Variants in ISL1 observed in about 807,000 individuals in gnomAD.
The protein encoded by ISL1 is ISL LIM homeobox 1.
Under a neutral mutation model 35.3 loss-of-function variants are expected in ISL1, and 4 were observed. That is an observed-to-expected ratio of 0.11 (90% CI 0.06 to 0.26). The LOEUF (loss-of-function observed/expected upper bound fraction) is 0.26. Among genes scored for constraint, ISL1 ranks in the 10% least tolerant of loss-of-function variants. ISL1 has a pLI of 1.00. For synonymous variants in ISL1, 186 were observed against 172.3 expected, an observed-to-expected ratio of 1.08 and a Z score of -0.62; for missense variants, 340 against 472.8, an observed-to-expected ratio of 0.72 and a Z score of 2.60.
intron 1 of ISL1, among the ~76,000 whole-genome samples, chr5:51,384,305 C>T: frequency 6.7e-6 from 1 of 149,316 alleles, no homozygotes. Flanking sequence ...CAAATGTAGA[C>T]TATTCCAATC....
At chr5:51,385,317 C>A (rs1261925364) in intron 2 of ISL1, among the ~76,000 whole-genome samples, 1 of 152,182 alleles carries the variant, frequency 6.6e-6, no homozygotes, top group Non-Finnish European at 1.5e-5. Context: ...GGAAAAAACA[C>A]CGGAAACTTA....
At chr5:51,383,951 G>T (rs1313098780) in intron 1 of ISL1, among the ~76,000 whole-genome samples, 1 of 152,122 alleles carries the variant, frequency 6.6e-6, no homozygotes, top group Non-Finnish European at 1.5e-5. Flanking sequence ...GGTGCTAAGC[G>T]GTGATTTCCT....
Position 51,391,139 on chromosome 5 carries a change from CG to C in ISL1, c.766-133del, listed in dbSNP as rs1220898316. 6 of 787,412 alleles carry C rather than the reference CG, an allele frequency of 7.6e-6. No homozygotes were observed. The South Asian group carries it at 1.1e-4, about 14-fold the overall frequency. The allele number at this position is 787,412 out of a possible 1,614,324, so 48.8% of individuals were successfully genotyped here. A position where few individuals can be genotyped will look rare whatever the true frequency, so the allele number is the denominator to read the frequency against. On this transcript the variant is annotated intron_variant, in intron 4 of 5. Transcript: ENST00000230658. Reference sequence around the variant, plus strand: ...TTCTAACTAATATCCGTAGGTACGGCGGATTAACTGAGTCAATAAAGACCAC... The same window carrying C: ...TTCTAACTAATATCCGTAGGTACGGCGATTAACTGAGTCAATAAAGACCAC...
rs1270493587 is a variant in ISL1 at position 51,387,439 on chromosome 5, G to A, written c.219-51G>A. 2 of 1,604,542 alleles carry A rather than the reference G, an allele frequency of 1.2e-6. No homozygotes were observed. Among genetic ancestry groups the A allele is most frequent in the South Asian group, 1.1e-5 (1 of 89,600 alleles). ...CGGCCTGAAGTGACCCCCTCTTCCT[G>A]TACTTCTCTCCCCGCTCTGGGCCGC... On this transcript the variant is annotated intron_variant, in intron 2 of 5. Coordinates refer to ENST00000230658, the MANE Select transcript of ISL1 (RefSeq NM_002202.3). This position sits in a 1 kb window ranked among gnomAD's most constrained non-coding sequence, Gnocchi z 4.3.
intron 2 of ISL1, chr5:51,386,731 C>A: frequency 2.4e-6 from 1 of 414,536 alleles, no homozygotes; most frequent in Non-Finnish European, 4.7e-6. Flanking sequence ...GATGATTCAG[C>A]AACTTGAAAA....
Position 51,393,818 on chromosome 5 carries a change from CA to C in ISL1, c.*210del, listed in dbSNP as rs1747573055. On this transcript the variant is annotated 3_prime_UTR_variant, in exon 6 of 6. Transcript: ENST00000230658. ...ATCATGGGATTTTACTAGAATTAAA[CA>C]ACAAACAAAACGCAAAACCCAGTAT... is the stretch of plus-strand genomic sequence containing the variant. The C allele has an allele frequency of 5.0e-6, 3 of 604,842 alleles. No homozygotes were observed. The highest frequency in any genetic ancestry group is 8.8e-6 in the Non-Finnish European group (3 of 339,196). 37.5% of individuals were successfully genotyped at this position (604,842 alleles called of 1,614,324 possible). A position where few individuals can be genotyped will look rare whatever the true frequency, so the allele number is the denominator to read the frequency against.
At chr5:51,385,476 C>T (rs530450543) in intron 2 of ISL1, among the ~76,000 whole-genome samples, 1 of 152,264 alleles carries the variant, frequency 6.6e-6, no homozygotes, top group African/African-American at 2.4e-5. Flanking sequence ...TCCTTTCTCA[C>T]ATTAAAATCT....
At chr5:51,391,217 G>T (rs1248131943) in intron 4 of ISL1, 57 bp from the exon 5 acceptor site, 16 of 1,580,456 alleles carry the variant, frequency 1.0e-5, no homozygotes, top group Non-Finnish European at 1.4e-5. Flanking sequence ...TGCAGACAAC[G>T]GAGGGAGGGA....
Position 51,394,700 on chromosome 5 carries a change from A to G in ISL1, c.*1090A>G, listed in dbSNP as rs1351469939. 2.0e-5 allele frequency: 3 copies of G among 152,662 alleles called. No homozygotes were observed. The highest frequency in any genetic ancestry group is 4.4e-5 in the Non-Finnish European group (3 of 68,040). The allele number at this position is 152,662 out of a possible 1,614,324, so 9.5% of individuals were successfully genotyped here. A position where few individuals can be genotyped will look rare whatever the true frequency, so the allele number is the denominator to read the frequency against. Reference sequence around the variant, plus strand: ...ATTATATCTTCAGGACTATTTCACTAATAAACATTTGGCATAGATAAATAA... The same window carrying G: ...ATTATATCTTCAGGACTATTTCACTGATAAACATTTGGCATAGATAAATAA... On this transcript the variant is annotated 3_prime_UTR_variant, in exon 6 of 6. Transcript: ENST00000230658.
chr5:51,392,498 T>A (rs1480989838), intron 5 of ISL1, among the ~76,000 whole-genome samples: 2 of 152,168 alleles, frequency 1.3e-5, no homozygotes, highest in Non-Finnish European at 2.9e-5. Context: ...AGGCAAGTGG[T>A]TAAAAGGGCT....
At chr5:51,385,304 C>T (rs1747317395) in intron 2 of ISL1, among the ~76,000 whole-genome samples, 1 of 152,114 alleles carries the variant, frequency 6.6e-6, no homozygotes, top group Non-Finnish European at 1.5e-5. Flanking sequence ...CTAAATATTC[C>T]TTGGAAAAAA....
intron 1 of ISL1, 40 bp from the exon 2 acceptor site, chr5:51,384,501 A>C (rs755684496): frequency 6.4e-7 from 1 of 1,569,972 alleles, no homozygotes; most frequent in East Asian, 2.2e-5. Context: ...CTCTGTAGGA[A>C]GTAAACGGTT....
At position 51,391,288 on chromosome 5, in the gene ISL1, G is replaced by T; in HGVS notation, c.780G>T (p.Met260Ile). 1 of 1,612,670 alleles carries T rather than the reference G, an allele frequency of 6.2e-7. No homozygotes were observed. Among genetic ancestry groups the T allele is most frequent in the South Asian group, 1.1e-5 (1 of 90,990 alleles). ...CCTATTCACAGAATATCCAGGGGAT[G>T]ACAGGAACTCCCATGGTGGCTGCCA... Reference protein sequence around the residue: ...QPNDKTNIQGMTGTPMVAASP... With the variant: ...QPNDKTNIQGITGTPMVAASP... Residue 260 changes from methionine to isoleucine, a missense_variant, in exon 5 of 6, where the codon ATG becomes ATT. Around this residue, in one of 7 missense-constraint regions of ISL1, gnomAD observed 25 missense variants for 43.2 expected, o/e 0.58. Transcript: ENST00000230658.
At chr5:51,386,645 T>C in intron 2 of ISL1, 1 of 455,874 alleles carries the variant, frequency 2.2e-6, no homozygotes, top group South Asian at 1.6e-5. Flanking sequence ...AGGCCAGGAG[T>C]GAGAAAGACC....
At chr5:51,383,726 C>T (rs760093448) in intron 1 of ISL1, 27 bp downstream of exon 1, 3 of 1,597,994 alleles carry the variant, frequency 1.9e-6, no homozygotes, top group South Asian at 2.2e-5. Flanking sequence ...CCTTGTGGGG[C>T]TCGGTGTGCT....
rs1747579572 is a variant in ISL1, at chr5:51,394,105, G to T, written c.*495G>T. ...CTGAAAGAGTCCTTTCAGGAAGGTG[G>T]AGCTGCATTGGTTTGATATGTTTAA... On this transcript the variant is annotated 3_prime_UTR_variant, in exon 6 of 6. Transcript: ENST00000230658. The T allele has an allele frequency of 5.4e-6, 1 of 183,490 alleles. No individual in the cohort carries two copies. Among genetic ancestry groups the T allele is most frequent in the Non-Finnish European group, 1.1e-5 (1 of 87,438 alleles). The allele number at this position is 183,490 out of a possible 1,614,324, so 11.4% of individuals were successfully genotyped here.
At position 51,389,983 on chromosome 5, in the gene ISL1, C is replaced by A; in HGVS notation, c.765+51C>A. The A allele has an allele frequency of 4.4e-6, 7 of 1,591,202 alleles. No individual in the cohort carries two copies. Among genetic ancestry groups the A allele is most frequent in the Non-Finnish European group, 6.0e-6 (7 of 1,163,360 alleles). On this transcript the variant is annotated intron_variant, in intron 4 of 5. Transcript: ENST00000230658. This position sits in a 1 kb window ranked among gnomAD's most constrained non-coding sequence, Gnocchi z 5.0. ...GAATGCGAGGGGGAAGGAGACGCAG[C>A]GTGCGAGGTGCGTTCCTGGTACGCA...
Position 51,383,545 on chromosome 5 carries a change from C to T in ISL1, c.-127C>T. On this transcript the variant is annotated 5_prime_UTR_variant, in exon 1 of 6. Transcript: ENST00000230658. ...GGCGCGGCGCAGCCGAGCAGCGGCT[C>T]TTTCAGCATTGGCAACCCCAGGGGC... 1 of 845,200 alleles carries T rather than the reference C, an allele frequency of 1.2e-6. No individual in the cohort carries two copies. 52.4% of individuals were successfully genotyped at this position (845,200 alleles called of 1,614,324 possible).
chr5:51,388,576 G>C (rs1561207338), intron 3 of ISL1, among the ~76,000 whole-genome samples: 3 of 152,154 alleles, frequency 2.0e-5, no homozygotes, highest in South Asian at 2.1e-4. Context: ...AGGTTGGCCG[G>C]GACCAAAGCA....
Sources: allele counts gnomAD v4.1 joint callset (sites outside exome capture counted in the v4.1 genomes callset), GRCh38; gene constraint gnomAD v4.1.1; regional missense constraint gnomAD v4.1.1; non-coding constraint Gnocchi (gnomAD v3.1); transcripts MANE v1.5; gene names NCBI Gene and HGNC (gene_info 2026-07-23, HGNC 2026-07-21).